KDM4C: variants seen among roughly 807,000 people sequenced by gnomAD.
KDM4C encodes the protein lysine demethylase 4C.
In KDM4C, 81 loss-of-function variants were observed where a neutral mutation model predicts 129.3. That is an observed-to-expected ratio of 0.63 (90% CI 0.52 to 0.75). The LOEUF is 0.75. Ranked by LOEUF, KDM4C falls within the 30% of genes least tolerant of loss-of-function variation. The pLI, the probability that KDM4C is intolerant of heterozygous loss-of-function variation, is 0.00. For synonymous variants in KDM4C, 573 were observed against 456.1 expected (o/e 1.26, Z -3.26); for missense variants, 1,457 against 1,304.0 (o/e 1.12, Z -1.81).
upstream of KDM4C, among the ~76,000 whole-genome samples, chr9:6,754,582 A>G (rs756908871): frequency 6.6e-6 from 1 of 152,150 alleles, no homozygotes; most frequent in East Asian, 1.9e-4. Context: ...ATTTAGAAGT[A>G]TATCAATTTG....
intron 1 of KDM4C, among the ~76,000 whole-genome samples, chr9:6,738,199 G>A (rs188472075): frequency 1.9e-3 from 287 of 149,224 alleles, no homozygotes; most frequent in South Asian, 7.6e-3. Context: ...GATGCTGGCC[G>A]GGCCTGGTGG....
At chr9:7,090,291 AGATT>A (rs1400506067) in intron 17 of KDM4C, among the ~76,000 whole-genome samples, 2 of 152,230 alleles carry the variant, frequency 1.3e-5, no homozygotes, top group Non-Finnish European at 2.9e-5. Context: ...AGCTTGTAGT[AGATT>A]TATTTTTATT....
At chr9:7,077,745 C>A (rs1281126027) in intron 17 of KDM4C, among the ~76,000 whole-genome samples, 1 of 152,148 alleles carries the variant, frequency 6.6e-6, no homozygotes, top group Non-Finnish European at 1.5e-5. Context: ...TAAGTCAGCC[C>A]ATCAAGGCAA....
chr9:7,094,702 AC>A (rs1399435670), intron 17 of KDM4C, among the ~76,000 whole-genome samples: 4 of 152,256 alleles, frequency 2.6e-5, no homozygotes, highest in South Asian at 4.1e-4. Flanking sequence ...CTGAAAGGTC[AC>A]CCGGGACATG....
chr9:6,802,378 G>A (rs901746338), intron 2 of KDM4C, among the ~76,000 whole-genome samples: 4 of 152,146 alleles, frequency 2.6e-5, no homozygotes, highest in South Asian at 2.1e-4. Context: ...CGTATCCTAT[G>A]TGTCAGTAAT....
intron 18 of KDM4C, among the ~76,000 whole-genome samples, chr9:7,118,092 G>A (rs1839111484): frequency 6.6e-6 from 1 of 152,142 alleles, no homozygotes; most frequent in Non-Finnish European, 1.5e-5. Flanking sequence ...CACTACCTCC[G>A]AGGTGAGCTC....
At chr9:7,018,414 A>G (rs777776426) in intron 15 of KDM4C, among the ~76,000 whole-genome samples, 2 of 152,268 alleles carry the variant, frequency 1.3e-5, no homozygotes, top group Non-Finnish European at 2.9e-5. Flanking sequence ...CATATTTAAC[A>G]CAGCCAGGAA....
rs546236429 is a variant in KDM4C at position 6,966,117 on chromosome 9, C to T, written c.922-14808C>T. On this transcript the variant is annotated intron_variant, in intron 8 of 21. Transcript: ENST00000381309. ...AGTCTGAAAAACCTAAAGCAAATACCATACTAAATGGTGAAAATTTAGACA... is the reference window on the plus strand; with the variant it reads ...AGTCTGAAAAACCTAAAGCAAATACTATACTAAATGGTGAAAATTTAGACA... Among the ~76,000 whole-genome samples, 7 of 152,172 alleles carry T rather than the reference C, an allele frequency of 4.6e-5. No individual in the cohort carries two copies. The South Asian group carries it at 1.2e-3, about 27-fold the overall frequency.
At chr9:6,770,767 C>CTTTTT (rs753670348) in intron 1 of KDM4C, among the ~76,000 whole-genome samples, 3 of 81,760 alleles carry the variant, frequency 3.7e-5, no homozygotes, top group East Asian at 3.3e-4. Flanking sequence ...GATTTTGATC[C>CTTTTT]TTTTTTTTTT....
intron 4 of KDM4C, chr9:6,819,175 A>G (rs1197811177): frequency 6.6e-6 from 1 of 152,220 alleles, no homozygotes; most frequent in Non-Finnish European, 1.5e-5. Context: ...CATTTTCAGA[A>G]AAATTGATAC....
Position 6,929,563 on chromosome 9 carries a change from G to A in KDM4C, c.921+36331G>A, listed in dbSNP as rs114790993. On this transcript the variant is annotated intron_variant, in intron 8 of 21. Transcript: ENST00000381309. ...GGTAGAAATTGTGGTGCAGAGGCTG[G>A]TTGGTTAGGTAAGTGCTACTCTTCC... Among the ~76,000 whole-genome samples the A allele has an allele frequency of 6.0e-3, 909 of 151,346 alleles. 17 individuals carry two copies. The highest frequency in any genetic ancestry group is 0.021 in the African/African-American group (876 of 41,092).
intron 8 of KDM4C, among the ~76,000 whole-genome samples, chr9:6,931,583 C>T (rs558352154): frequency 1.2e-4 from 18 of 152,202 alleles, no homozygotes; most frequent in Non-Finnish European, 2.2e-4. Context: ...TCACTGTAGC[C>T]TCCATCACCC....
At chr9:7,103,180 T>G (rs1438575196) in intron 17 of KDM4C, among the ~76,000 whole-genome samples, 2 of 152,212 alleles carry the variant, frequency 1.3e-5, no homozygotes, top group Admixed American at 1.3e-4. Flanking sequence ...ATTTAACACT[T>G]TACATTTCCT....
intron 3 of KDM4C, among the ~76,000 whole-genome samples, chr9:6,806,803 C>G (rs960357462): frequency 1.3e-5 from 2 of 152,016 alleles, no homozygotes; most frequent in Non-Finnish European, 2.9e-5. Context: ...CGAGAGAGAT[C>G]GCAAGAAGGA....
In KDM4C at chr9:6,821,824, C is replaced by T. The variant is rs184440215; in HGVS notation, c.435+7079C>T. ...TAATTTTTGTATTTTTAGCAGAGAC[C>T]GTGATTCGCCATGTTGGCCAGACTG... On this transcript the variant is annotated intron_variant, in intron 4 of 21. Coordinates refer to ENST00000381309, the MANE Select transcript of KDM4C (RefSeq NM_015061.6). 2.6e-3 allele frequency among the ~76,000 whole-genome samples: 397 copies of T among 152,090 alleles called. 5 individuals are homozygous for T. Among genetic ancestry groups the T allele is most frequent in the Non-Finnish European group, 4.2e-3 (287 of 67,970 alleles).
chr9:7,158,764 T>C (rs1226169046), intron 19 of KDM4C, among the ~76,000 whole-genome samples: 2 of 152,190 alleles, frequency 1.3e-5, no homozygotes, highest in Non-Finnish European at 2.9e-5. Context: ...CTTCCAACTA[T>C]GTGGTCAATT....
At chr9:7,151,559 C>T (rs1239931529) in intron 19 of KDM4C, among the ~76,000 whole-genome samples, 2 of 152,114 alleles carry the variant, frequency 1.3e-5, no homozygotes, top group African/African-American at 2.4e-5. Flanking sequence ...CCTGTATTCT[C>T]AGCTATTTGG....
At chr9:7,149,448 T>A (rs1842528397) in intron 19 of KDM4C, among the ~76,000 whole-genome samples, 1 of 152,204 alleles carries the variant, frequency 6.6e-6, no homozygotes, top group Non-Finnish European at 1.5e-5. Flanking sequence ...CAGCTGCAGC[T>A]GCACCTGGGA....
rs140739496 is a variant in KDM4C at position 6,942,748 on chromosome 9, T to A, written c.922-38177T>A. The A allele has an allele frequency of 3.9e-5, 6 of 152,342 alleles. No homozygotes were observed. In the East Asian group the frequency reaches 1.2e-3, roughly 29 times the overall value. 9.4% of individuals were successfully genotyped at this position (152,342 alleles called of 1,614,324 possible). A position where few individuals can be genotyped will look rare whatever the true frequency, so the allele number is the denominator to read the frequency against. On this transcript the variant is annotated intron_variant, in intron 8 of 21. Transcript: ENST00000381309. ...TCACGTAGTAGTGATCTGCCTTTCC[T>A]TTGACAGTTTTACCTTGATGTTTTA...
Sources: gnomAD v4.1 joint callset for allele counts (sites outside exome capture counted in the v4.1 genomes callset) on GRCh38, gnomAD v4.1.1 for gene constraint, MANE v1.5 for transcripts, NCBI Gene and HGNC (gene_info 2026-07-23, HGNC 2026-07-21) for gene names.